Variants in ZNF420 observed in about 807,000 individuals in gnomAD.
ZNF420 encodes the protein ATM and p53-associated KZNF protein.
Under a neutral mutation model 44.7 loss-of-function variants are expected in ZNF420, and 31 were observed. The ratio of observed to expected loss-of-function variants is 0.69; its 90% CI spans 0.52 to 0.94. ZNF420 has a LOEUF of 0.94. Ranked by LOEUF, ZNF420 falls within the 40% of genes least tolerant of loss-of-function variation. The pLI, the probability that ZNF420 is intolerant of heterozygous loss-of-function variation, is 0.00. For missense variants in ZNF420, 681 were observed against 827.9 expected, an observed-to-expected ratio of 0.82 and a Z score of 2.18; for synonymous variants, 245 against 267.4, an observed-to-expected ratio of 0.92 and a Z score of 0.82.
intron 1 of ZNF420, among the ~76,000 whole-genome samples, chr19:37,020,797 A>C (rs2074642752): frequency 6.6e-6 from 1 of 152,216 alleles, no homozygotes; most frequent in African/African-American, 2.4e-5. Context: ...TATAAAATAA[A>C]CACTGTATTA....
chr19:37,066,214 G>A (rs774787954), intron 1 of ZNF420, among the ~76,000 whole-genome samples: 13 of 152,266 alleles, frequency 8.5e-5, no homozygotes, highest in South Asian at 4.1e-4. Flanking sequence ...AGGCTGCGGC[G>A]GGTGGATCAC....
chr19:37,030,538 T>C (rs1203860360), intron 1 of ZNF420, among the ~76,000 whole-genome samples: 3 of 152,242 alleles, frequency 2.0e-5, no homozygotes, highest in Non-Finnish European at 4.4e-5. Flanking sequence ...CTTTCTGTTG[T>C]TGGCTAACTT....
At chr19:37,098,763 C>G (rs1260697989) in intron 4 of ZNF420, among the ~76,000 whole-genome samples, 1 of 152,124 alleles carries the variant, frequency 6.6e-6, no homozygotes, top group Non-Finnish European at 1.5e-5. Flanking sequence ...ATATAGTCAC[C>G]TTATTGTGCA....
chr19:37,063,405 T>C (rs757174069), intron 1 of ZNF420, among the ~76,000 whole-genome samples: 2 of 152,204 alleles, frequency 1.3e-5, no homozygotes, highest in Non-Finnish European at 2.9e-5. Context: ...GCTGTGCAGC[T>C]GCAAGGTCAC....
chr19:37,033,417 G>A (rs1967298085), intron 1 of ZNF420, among the ~76,000 whole-genome samples: 1 of 152,078 alleles, frequency 6.6e-6, no homozygotes. Flanking sequence ...TGGTTTCTAT[G>A]AATATGACAT....
At chr19:37,126,997 A>G (rs568438328) in intron 4 of ZNF420, 131 bp from the exon 5 acceptor site, 2 of 601,278 alleles carry the variant, frequency 3.3e-6, no homozygotes, top group South Asian at 3.8e-5. Context: ...TAGGTATTAT[A>G]TGTCATAATA....
intron 4 of ZNF420, among the ~76,000 whole-genome samples, chr19:37,102,707 CTT>C (rs1491318958): frequency 2.0e-5 from 3 of 152,290 alleles, no homozygotes; most frequent in Non-Finnish European, 4.4e-5. Context: ...TGCAAAGAGA[CTT>C]TTATCTGTGG....
At chr19:37,027,660 A>T (rs1302957381) in intron 1 of ZNF420, among the ~76,000 whole-genome samples, 3 of 152,178 alleles carry the variant, frequency 2.0e-5, no homozygotes, top group Non-Finnish European at 4.4e-5. Flanking sequence ...AGTATTTTAT[A>T]TAATTGGAAC....
chr19:37,055,486 G>T (rs567221650), intron 1 of ZNF420, among the ~76,000 whole-genome samples: 1 of 152,284 alleles, frequency 6.6e-6, no homozygotes, highest in African/African-American at 2.4e-5. Context: ...AACAACGCCC[G>T]CTACTCCATC....
At chr19:37,010,406 G>C (rs1458838721) in intron 1 of ZNF420, among the ~76,000 whole-genome samples, 2 of 152,164 alleles carry the variant, frequency 1.3e-5, no homozygotes, top group East Asian at 1.9e-4. Context: ...GTGCCCGTGG[G>C]CTGCTCTCTC....
intron 1 of ZNF420, among the ~76,000 whole-genome samples, chr19:37,053,982 C>T (rs777035087): frequency 1.5e-4 from 23 of 152,204 alleles, no homozygotes; most frequent in Non-Finnish European, 3.4e-4. Flanking sequence ...GGCAGCAGGC[C>T]TCCCTGAGCT....
At chr19:37,011,499 G>A (rs1368921079) in intron 1 of ZNF420, among the ~76,000 whole-genome samples, 2 of 152,180 alleles carry the variant, frequency 1.3e-5, no homozygotes, top group Non-Finnish European at 2.9e-5. Context: ...AAAGGGATTG[G>A]GCTGGGGCTG....
At position 37,128,272 on chromosome 19, in the gene ZNF420, G is replaced by A. The variant is rs531202139; in HGVS notation, c.1281G>A (p.Ala427=). 161 of 1,611,338 alleles carry A rather than the reference G, an allele frequency of 1.0e-4. No individual in the cohort carries two copies. The highest frequency in any genetic ancestry group is 2.5e-4 in the South Asian group (23 of 90,920). ...ATCAATGTAAGGAATGTGGAAAAGCGTTTAATCGTGGCTCACTCCTTACAC... is the reference window on the plus strand; with the variant it reads ...ATCAATGTAAGGAATGTGGAAAAGCATTTAATCGTGGCTCACTCCTTACAC... The part of the protein sequence containing the change: ...KPYQCKECGK[A]FNRGSLLTRH... The change falls in exon 5 of 5, where the codon GCG becomes GCA. Residue 427 remains alanine (A), a synonymous_variant. Transcript: ENST00000337995.
chr19:37,041,614 C>T (rs902776929), intron 1 of ZNF420, among the ~76,000 whole-genome samples: 2 of 152,184 alleles, frequency 1.3e-5, no homozygotes, highest in South Asian at 2.1e-4. Context: ...CCAGGGGAAG[C>T]GATTTTATAT....
intron 2 of ZNF420, among the ~76,000 whole-genome samples, chr19:37,086,054 G>A (rs1599650732): frequency 6.6e-6 from 1 of 151,194 alleles, no homozygotes; most frequent in Non-Finnish European, 1.5e-5. Context: ...TTCCTGCCTC[G>A]GCCTCCCCAA....
chr19:37,048,188 T>C (rs1967574550), intron 1 of ZNF420, among the ~76,000 whole-genome samples: 1 of 152,234 alleles, frequency 6.6e-6, no homozygotes, highest in Admixed American at 6.5e-5. Flanking sequence ...TTAAGTATTT[T>C]GTGCATCAAC....
intron 1 of ZNF420, among the ~76,000 whole-genome samples, chr19:37,049,266 G>A (rs1358808177): frequency 6.6e-6 from 1 of 152,134 alleles, no homozygotes; most frequent in African/African-American, 2.4e-5. Flanking sequence ...GGTATTTCTA[G>A]TTCTAGATCC....
At chr19:37,079,612 T>C (rs1266826613) in intron 1 of ZNF420, among the ~76,000 whole-genome samples, 1 of 152,102 alleles carries the variant, frequency 6.6e-6, no homozygotes, top group African/African-American at 2.4e-5. Context: ...TGCAGGGAAG[T>C]GGCAAGAAGT....
rs544786021 is a variant in ZNF420 at position 37,119,847 on chromosome 19, T to C, written c.137-7281T>C. On this transcript the variant is annotated intron_variant, in intron 4 of 4. Transcript: ENST00000337995. ...ACCATCAGAATACTACAAACACCTC[T>C]ATGCAAATAAACTAGAAAATCTAGA... is the stretch of plus-strand genomic sequence containing the variant. Among the ~76,000 whole-genome samples, 11 of 152,252 alleles carry C rather than the reference T, an allele frequency of 7.2e-5. No individual in the cohort carries two copies. The East Asian group carries it at 2.1e-3, about 29-fold the overall frequency.
Sources: gnomAD v4.1 joint callset for allele counts (sites outside exome capture counted in the v4.1 genomes callset) on GRCh38, gnomAD v4.1.1 for gene constraint, MANE v1.5 for transcripts, NCBI Gene and HGNC (gene_info 2026-07-23, HGNC 2026-07-21) for gene names.